Variants in ARHGAP9 observed in about 807,000 individuals in gnomAD.
ARHGAP9 encodes the protein Rho GTPase activating protein 9.
ARHGAP9 carries 76 observed loss-of-function variants against 87.3 expected under a neutral mutation model. The ratio of observed to expected loss-of-function variants is 0.87; its 90% confidence interval spans 0.72 to 1.05. ARHGAP9 has a LOEUF of 1.05. ARHGAP9 is among the 50% of genes least tolerant of loss of function. The pLI, the probability that ARHGAP9 is intolerant of heterozygous loss-of-function variation, is 0.00. For missense variants in ARHGAP9, 941 were observed against 960.5 expected, an observed-to-expected ratio of 0.98 and a Z score of 0.27; for synonymous variants, 382 against 394.9, an observed-to-expected ratio of 0.97 and a Z score of 0.39.
At chr12:57,482,752 T>A (rs1411272516), upstream of ARHGAP9, among the ~76,000 whole-genome samples, 2 of 152,150 alleles carry the variant, frequency 1.3e-5, no homozygotes, top group Non-Finnish European at 2.9e-5. Flanking sequence ...GAATGTTTAC[T>A]ACCATATATG....
chr12:57,473,044 G>A, intron 17 of ARHGAP9, among the ~76,000 whole-genome samples: 1 of 152,242 alleles, frequency 6.6e-6, no homozygotes, highest in East Asian at 1.9e-4. Flanking sequence ...CAAAGAGGCA[G>A]AGGGAAGGGA....
Position 57,473,671 on chromosome 12 carries a change from T to G in ARHGAP9, c.1956A>C (p.Gln652His), listed in dbSNP as rs748982875. Reference sequence around the variant, plus strand: ...GCTTTGGCATTGAGCCTATTAATTCTTGTATCTGAGAGAGGCACTGCTCTG... The same window carrying G: ...GCTTTGGCATTGAGCCTATTAATTCGTGTATCTGAGAGAGGCACTGCTCTG... The part of the protein sequence containing the change: ...SESEQCLSQI[Q>H]ELIGSMPKPN... Residue 652 changes from glutamine to histidine, a missense_variant, in exon 17 of 18, where the codon CAA becomes CAC. Physicochemically the swap from Gln to His is conservative, Grantham distance 24 (BLOSUM62 0). Transcript: ENST00000393791. 1.2e-6 allele frequency: 2 copies of G among 1,614,088 alleles called. No homozygotes were observed. Among genetic ancestry groups the G allele is most frequent in the Non-Finnish European group, 1.7e-6 (2 of 1,179,976 alleles).
intron 12 of ARHGAP9, 135 bp from the exon 13 acceptor site, chr12:57,475,108 C>T: frequency 9.0e-7 from 1 of 1,108,312 alleles, no homozygotes; most frequent in Admixed American, 2.3e-5. Context: ...AAATACACTC[C>T]ACCTCCCTTC....
rs368910951 is a variant in ARHGAP9, at chr12:57,477,676, C to A, written c.539G>T (p.Gly180Val). The change falls in exon 4 of 18, where the codon GGC (glycine) becomes GTC (valine). Residue 180 changes from glycine (G) to valine (V), a missense_variant. Transcript: ENST00000393791. ...GGGCTCTGACATGAGGGGCTGGGGG[C>A]CTGCCTGCCAGAAAAGGGGGAAGAA... The part of the protein sequence containing the change: ...LPSEASASTA[G>V]PQPLMSEPPV... The A allele has an allele frequency of 6.2e-7, 1 of 1,610,924 alleles. No individual in the cohort carries two copies. Among genetic ancestry groups the A allele is most frequent in the Non-Finnish European group, 8.5e-7 (1 of 1,177,836 alleles).
upstream of ARHGAP9, among the ~76,000 whole-genome samples, chr12:57,482,014 C>T (rs1319171057): frequency 1.3e-5 from 2 of 152,148 alleles, no homozygotes; most frequent in Non-Finnish European, 2.9e-5. Context: ...CCAGAAAATC[C>T]ACTTGAGTAT....
At chr12:57,475,195 G>T in intron 12 of ARHGAP9, 96 bp downstream of exon 12, 1 of 1,310,334 alleles carries the variant, frequency 7.6e-7, no homozygotes, top group Non-Finnish European at 1.0e-6. Flanking sequence ...TAGTGGGAAA[G>T]CAGCAGTCAC....
chr12:57,476,744 T>G (rs1873844199), intron 6 of ARHGAP9, 93 bp from the exon 7 acceptor site: 3 of 1,577,862 alleles, frequency 1.9e-6, no homozygotes, highest in Non-Finnish European at 2.6e-6. Context: ...GTGAAGTCCC[T>G]TAAAGTTGCT....
chr12:57,479,990 A>C, upstream of ARHGAP9: 1 of 1,375,614 alleles, frequency 7.3e-7, no homozygotes, highest in African/African-American at 1.5e-5. Flanking sequence ...GTGACAGAGA[A>C]ACAGAAAGCC....
At chr12:57,485,568 A>AC (rs1317556493) in intron 1 of ARHGAP9, among the ~76,000 whole-genome samples, 1 of 150,402 alleles carries the variant, frequency 6.6e-6, no homozygotes, top group Non-Finnish European at 1.5e-5. Context: ...AAAAAAAAAA[A>AC]AACAAAAAAA....
chr12:57,477,455 T>A lies in ARHGAP9; in HGVS notation c.756+4A>T, dbSNP rs370695684. 1.2e-6 allele frequency: 2 copies of A among 1,613,776 alleles called. No individual in the cohort carries two copies. The highest frequency in any genetic ancestry group is 1.7e-6 in the Non-Finnish European group (2 of 1,179,908). ...CAGTGGAGAAGCAGGAGGTAAGGTC[T>A]CACCGTCTCGCTGCGACTGCGGCGC... On this transcript the variant is annotated splice_donor_region_variant and intron_variant, in intron 4 of 17. Coordinates refer to ENST00000393791, the MANE Select transcript of ARHGAP9 (RefSeq NM_032496.4).
chr12:57,480,012 A>T (rs192420632), upstream of ARHGAP9: 9 of 1,364,454 alleles, frequency 6.6e-6, no homozygotes, highest in East Asian at 2.7e-4. Flanking sequence ...AATAAATACC[A>T]AGACCAAATC....
intron 13 of ARHGAP9, 64 bp downstream of exon 13, chr12:57,474,811 G>C: frequency 6.2e-7 from 1 of 1,607,262 alleles, no homozygotes; most frequent in Non-Finnish European, 8.5e-7. Context: ...GTAGAATGGG[G>C]GAGGCAGAAA....
upstream of ARHGAP9, chr12:57,483,765 C>T (rs117573907): frequency 2.1e-4 from 73 of 339,714 alleles, no homozygotes; most frequent in Non-Finnish European, 3.5e-4. Context: ...CTCAGCCAGG[C>T]GTGATGGCTC....
rs1428380002 is a variant in ARHGAP9 at position 57,476,346 on chromosome 12, C to T, written c.1116+18G>A. The T allele has an allele frequency of 1.2e-6, 2 of 1,612,530 alleles. No individual in the cohort carries two copies. Among genetic ancestry groups the T allele is most frequent in the East Asian group, 2.2e-5 (1 of 44,848 alleles). On this transcript the variant is annotated intron_variant, in intron 8 of 17. Coordinates refer to ENST00000393791, the MANE Select transcript of ARHGAP9 (RefSeq NM_032496.4). ...AGGCAGCGCCCGCACCCATCCTGCG[C>T]CTCTCGCTCACACTCACCCAGCCTG...
chr12:57,476,759 G>C, intron 6 of ARHGAP9, 108 bp from the exon 7 acceptor site: 2 of 1,550,982 alleles, frequency 1.3e-6, no homozygotes, highest in African/African-American at 1.4e-5. Flanking sequence ...GTTGCTGGGG[G>C]AGGGCTGGGT....
upstream of ARHGAP9, among the ~76,000 whole-genome samples, chr12:57,483,591 C>T (rs538421504): frequency 9.8e-5 from 15 of 152,288 alleles, no homozygotes; most frequent in South Asian, 6.2e-4. Context: ...CAGTCTTATG[C>T]GAATTCCTCA....
chr12:57,477,010 G>A, intron 5 of ARHGAP9, 47 bp from the exon 6 acceptor site: 1 of 1,597,424 alleles, frequency 6.3e-7, no homozygotes, highest in Non-Finnish European at 8.6e-7. Flanking sequence ...CTCGACTCAG[G>A]GATCCCTGGC....
At position 57,475,368 on chromosome 12, in the gene ARHGAP9, C is replaced by T. The variant is rs143954280; in HGVS notation, c.1475G>A (p.Arg492His). ...IRGPEGTEQNRVRNKLKRLIA... is the reference protein window; with the variant it reads ...IRGPEGTEQNHVRNKLKRLIA... ...GAGCCGCTTTAGTTTGTTGCGCACG[C>T]GGTTCTGCTCGGTGCCTTCGGGCCC... is the stretch of plus-strand genomic sequence containing the variant. Residue 492 changes from arginine to histidine, a missense_variant, in exon 12 of 18, where the codon CGC becomes CAC. Coordinates refer to ENST00000393791, the MANE Select transcript of ARHGAP9 (RefSeq NM_032496.4). 6 of 1,599,704 alleles carry T rather than the reference C, an allele frequency of 3.8e-6. No homozygotes were observed. The African/African-American group carries it at 8.0e-5, about 21-fold the overall frequency.
At chr12:57,477,391 A>G in intron 4 of ARHGAP9, 68 bp downstream of exon 4, 1 of 1,570,706 alleles carries the variant, frequency 6.4e-7, no homozygotes, top group Non-Finnish European at 8.7e-7. Context: ...AAAACACACT[A>G]CCTTGAGGTT....
Sources: allele counts gnomAD v4.1 joint callset (sites outside exome capture counted in the v4.1 genomes callset), GRCh38; gene constraint gnomAD v4.1.1; transcripts MANE v1.5; gene names NCBI Gene and HGNC (gene_info 2026-07-23, HGNC 2026-07-21).